Variants in PLA2G4E observed in about 807,000 individuals in gnomAD.
PLA2G4E encodes the protein cytosolic phospholipase A2 epsilon.
Under a neutral mutation model 109.1 loss-of-function variants are expected in PLA2G4E, and 84 were observed. The observed-to-expected ratio is 0.77, with a 90% CI of 0.65 to 0.92. PLA2G4E has a LOEUF of 0.92. PLA2G4E is among the 40% of genes least tolerant of loss of function. PLA2G4E has a pLI of 0.00. For synonymous variants in PLA2G4E, 469 were observed against 436.1 expected (o/e 1.08, Z -0.94); for missense variants, 1,057 against 1,076.6 (o/e 0.98, Z 0.25).
At chr15:42,005,300 CAG>C (rs2141047554) in intron 4 of PLA2G4E, among the ~76,000 whole-genome samples, 1 of 152,210 alleles carries the variant, frequency 6.6e-6, no homozygotes, top group Non-Finnish European at 1.5e-5. Flanking sequence ...CCAAGGGACT[CAG>C]TGCCTGTGGC....
At chr15:41,981,893 T>A (rs1346727326) in exon 20 of PLA2G4E, 2 of 152,144 alleles carry the variant, frequency 1.3e-5, no homozygotes, top group African/African-American at 4.8e-5. Context: ...GGAGCACTGA[T>A]TCATACGTTC....
At chr15:42,015,981 TGTC>T (rs1243603539) in intron 1 of PLA2G4E, among the ~76,000 whole-genome samples, 1 of 152,200 alleles carries the variant, frequency 6.6e-6, no homozygotes, top group Non-Finnish European at 1.5e-5. Context: ...GAGTTTTTGT[TGTC>T]GTCCATTCCC....
intron 9 of PLA2G4E, 30 bp downstream of exon 9, chr15:41,999,887 C>G: frequency 6.3e-7 from 1 of 1,579,214 alleles, no homozygotes; most frequent in Non-Finnish European, 8.6e-7. Flanking sequence ...GGAAGTAAGT[C>G]AGGGGCCCTT....
At chr15:41,983,953 T>C in exon 20 of PLA2G4E, 1 of 1,609,318 alleles carries the variant, frequency 6.2e-7, no homozygotes, top group Non-Finnish European at 8.5e-7. Flanking sequence ...CTGCTCCAGC[T>C]CCTCAGGGCT....
intron 11 of PLA2G4E, among the ~76,000 whole-genome samples, chr15:41,996,903 C>G (rs1323703049): frequency 6.6e-6 from 1 of 152,204 alleles, no homozygotes; most frequent in Non-Finnish European, 1.5e-5. Context: ...GGAGGAGGCG[C>G]TGGGGCTCTG....
At chr15:42,034,640 C>A (rs1407160385) in intron 1 of PLA2G4E, among the ~76,000 whole-genome samples, 1 of 152,210 alleles carries the variant, frequency 6.6e-6, no homozygotes, top group South Asian at 2.1e-4. Context: ...TCCTCTGCCC[C>A]CTCCTCTTCT....
intron 1 of PLA2G4E, among the ~76,000 whole-genome samples, chr15:42,013,975 T>G (rs2068564294): frequency 7.1e-6 from 1 of 141,152 alleles, no homozygotes; most frequent in Non-Finnish European, 1.5e-5. Flanking sequence ...CACTGCAACC[T>G]CTGCCTCCCA....
chr15:42,027,972 C>T (rs2068706827), intron 1 of PLA2G4E, among the ~76,000 whole-genome samples: 1 of 152,178 alleles, frequency 6.6e-6, no homozygotes, highest in South Asian at 2.1e-4. Context: ...TTGCCTTTTT[C>T]CACCAGACTG....
chr15:42,040,117 C>A (rs182339819), intron 1 of PLA2G4E, among the ~76,000 whole-genome samples: 1 of 152,156 alleles, frequency 6.6e-6, no homozygotes, highest in East Asian at 1.9e-4. Context: ...TGGAGGATTG[C>A]TTGAGGCCAG....
chr15:41,989,310 C>A, intron 15 of PLA2G4E, 105 bp downstream of exon 15: 1 of 1,482,420 alleles, frequency 6.7e-7, no homozygotes, highest in African/African-American at 1.4e-5. Context: ...TAGGATGAGA[C>A]AATGCTGGCA....
exon 20 of PLA2G4E, chr15:41,982,039 A>C (rs2068074462): frequency 6.6e-6 from 1 of 152,184 alleles, no homozygotes; most frequent in Non-Finnish European, 1.5e-5. Context: ...CTAAGGCCTG[A>C]GATTCCGCAT....
Position 42,004,863 on chromosome 15 carries a change from C to T in PLA2G4E, c.566+75G>A, listed in dbSNP as rs375212501. Reference sequence around the variant, plus strand: ...GTGAGGCAGCAAAAAGGCCGACCTGCCTCTGAAATGCTCGTTCCCAGAAGC... The same window carrying T: ...GTGAGGCAGCAAAAAGGCCGACCTGTCTCTGAAATGCTCGTTCCCAGAAGC... On this transcript the variant is annotated intron_variant, in intron 5 of 19. Transcript: ENST00000399518. The T allele has an allele frequency of 3.9e-5, 61 of 1,549,304 alleles. No homozygotes were observed. The African/African-American group carries it at 6.1e-4, about 16-fold the overall frequency.
chr15:42,043,432 C>G (rs1889352473), intron 1 of PLA2G4E, among the ~76,000 whole-genome samples: 1 of 151,846 alleles, frequency 6.6e-6, no homozygotes, highest in African/African-American at 2.4e-5. Flanking sequence ...TTTCTCAGAA[C>G]CAGCCCTGAA....
chr15:42,028,962 T>C (rs2141069957), intron 1 of PLA2G4E, among the ~76,000 whole-genome samples: 1 of 152,278 alleles, frequency 6.6e-6, no homozygotes, highest in South Asian at 2.1e-4. Flanking sequence ...GTATAAACAT[T>C]ACAAGAAAGG....
intron 1 of PLA2G4E, among the ~76,000 whole-genome samples, chr15:42,049,854 G>T (rs143579876): frequency 6.1e-4 from 93 of 152,302 alleles, no homozygotes; most frequent in Admixed American, 5.8e-3. Context: ...AAGCTCACAC[G>T]CCCGCCCAGA....
chr15:42,006,169 C>A, intron 3 of PLA2G4E, 48 bp from the exon 4 acceptor site: 5 of 1,607,064 alleles, frequency 3.1e-6, no homozygotes, highest in Non-Finnish European at 4.3e-6. Flanking sequence ...GTTGCATTGA[C>A]CCCTTCCCAG....
intron 11 of PLA2G4E, among the ~76,000 whole-genome samples, chr15:41,996,596 AACAGAGGGCTGTG>A (rs1248140868): frequency 6.6e-6 from 1 of 152,196 alleles, no homozygotes; most frequent in African/African-American, 2.4e-5. Flanking sequence ...CAAGGGAGGC[AACAGAGGGCTGTG>A]ACAGAGGCCC....
Position 42,023,472 on chromosome 15 carries a change from T to C in PLA2G4E, c.184-9715A>G, listed in dbSNP as rs180719738. Among the ~76,000 whole-genome samples, 13 of 152,070 alleles carry C rather than the reference T, an allele frequency of 8.5e-5. No individual in the cohort carries two copies. In the East Asian group the frequency reaches 1.7e-3, roughly 20 times the overall value. ...CTGAACTTTAAGAAGGCAAGGATGA[T>C]TGATGTTGAAACAAGGGATCAATTA... On this transcript the variant is annotated intron_variant, in intron 1 of 19. Transcript: ENST00000399518.
Position 41,983,937 on chromosome 15 carries a change from C to G in PLA2G4E, c.2424G>C (p.Gln808His), listed in dbSNP as rs1292728992. Reference sequence around the variant, plus strand: ...GAGTTTTGGGACCATAAATGTCCACCTGGCCCTGCTCCAGCTCCTCAGGGC... The same window carrying G: ...GAGTTTTGGGACCATAAATGTCCACGTGGCCCTGCTCCAGCTCCTCAGGGC... Residue 808 changes from glutamine (Q) to histidine (H), a missense_variant, in exon 20 of 20, where the codon CAG becomes CAC. Physicochemically the swap from Gln to His is conservative, Grantham distance 24 (BLOSUM62 0). Coordinates refer to ENST00000399518, the Ensembl canonical transcript of PLA2G4E. The G allele has an allele frequency of 1.9e-5, 30 of 1,611,850 alleles. No homozygotes were observed. The highest frequency in any genetic ancestry group is 2.4e-5 in the Non-Finnish European group (28 of 1,179,146).
Sources: gnomAD v4.1 joint callset for allele counts (sites outside exome capture counted in the v4.1 genomes callset) on GRCh38, gnomAD v4.1.1 for gene constraint, MANE v1.5 for transcripts, NCBI Gene and HGNC (gene_info 2026-07-23, HGNC 2026-07-21) for gene names.